The following TMCO4 variants were observed in gnomAD, a reference collection of about 807,000 sequenced individuals.
TMCO4 encodes the protein transmembrane and coiled-coil domains 4.
In TMCO4, 58 loss-of-function variants were observed where a neutral mutation model predicts 64.7. The observed-to-expected ratio is 0.90, with a 90% confidence interval of 0.73 to 1.12. The LOEUF (loss-of-function observed/expected upper bound fraction) is 1.12, where lower values mean the gene tolerates loss of function less well. Among genes scored for constraint, TMCO4 ranks in the 50% most tolerant of loss-of-function variants. TMCO4 has a pLI of 0.00. For missense variants in TMCO4, 780 were observed against 825.9 expected, an observed-to-expected ratio of 0.94 and a Z score of 0.68; for synonymous variants, 325 against 346.1, an observed-to-expected ratio of 0.94 and a Z score of 0.68.
intron 13 of TMCO4, among the ~76,000 whole-genome samples, chr1:19,708,922 G>A (rs1183123189): frequency 2.0e-5 from 3 of 152,188 alleles, no homozygotes; most frequent in African/African-American, 7.2e-5. Flanking sequence ...TAGAAACCAA[G>A]GAGGAATTTA....
At chr1:19,796,554 C>T (rs1474690431) in intron 2 of TMCO4, among the ~76,000 whole-genome samples, 1 of 151,936 alleles carries the variant, frequency 6.6e-6, no homozygotes, top group Non-Finnish European at 1.5e-5. Flanking sequence ...GCCTCTAACC[C>T]AACCCTTTGT....
chr1:19,733,639 A>G (rs752040347), intron 13 of TMCO4, among the ~76,000 whole-genome samples: 12 of 152,112 alleles, frequency 7.9e-5, no homozygotes, highest in Non-Finnish European at 1.8e-4. Flanking sequence ...CCTCATATAT[A>G]TATTTTGGGA....
At chr1:19,716,187 A>T (rs61486260) in intron 13 of TMCO4, among the ~76,000 whole-genome samples, 1 of 35,096 alleles carries the variant, frequency 2.8e-5, no homozygotes. Context: ...ATTATTATTA[A>T]TTTATTTATT....
In TMCO4 at chr1:19,722,732, G is replaced by T. The variant is rs981746686; in HGVS notation, c.1264+14640C>A. Among the ~76,000 whole-genome samples, 11 of 152,166 alleles carry T rather than the reference G, an allele frequency of 7.2e-5. No homozygotes were observed. The South Asian group carries it at 2.1e-3, about 29-fold the overall frequency. ...AAGAAAGAACCCCTGGGGCACTTTT[G>T]TACAAGGGTTTCCCTGGTTCCAAGG... On this transcript the variant is annotated intron_variant, in intron 13 of 15. Transcript: ENST00000294543.
chr1:19,771,611 A>G, intron 4 of TMCO4, 129 bp from the exon 5 acceptor site: 2 of 891,804 alleles, frequency 2.2e-6, no homozygotes, highest in East Asian at 2.7e-5. Context: ...TGATCCCTCA[A>G]ATACAGAGGC....
intron 15 of TMCO4, among the ~76,000 whole-genome samples, chr1:19,693,672 G>A (rs957937802): frequency 1.3e-5 from 2 of 152,138 alleles, no homozygotes; most frequent in African/African-American, 4.8e-5. Context: ...CCTAGAGACT[G>A]ATGTAGAAGT....
intron 15 of TMCO4, among the ~76,000 whole-genome samples, chr1:19,691,021 G>A (rs1010554511): frequency 5.9e-5 from 9 of 151,682 alleles, no homozygotes; most frequent in African/African-American, 1.9e-4. Context: ...GGTGCCCACC[G>A]CCACACCTGG....
In TMCO4 at chr1:19,732,810, C is replaced by A. The variant is rs1271204836; in HGVS notation, c.1264+4562G>T. On this transcript the variant is annotated intron_variant, in intron 13 of 15. Transcript: ENST00000294543. This position sits in a 1 kb window ranked among gnomAD's most constrained non-coding sequence, Gnocchi z 4.8. The stretch of plus-strand genomic sequence containing the variant: ...CTACAGGGGGAAAATGCCAGCTGCA[C>A]TTTTGTCCACCGGGTTCATCTTGGA... 6.6e-6 allele frequency among the ~76,000 whole-genome samples: 1 copy of A among 152,160 alleles called. No individual in the cohort carries two copies. Among genetic ancestry groups the A allele is most frequent in the African/African-American group, 2.4e-5 (1 of 41,436 alleles).
At chr1:19,763,656 A>G (rs751167895) in intron 6 of TMCO4, among the ~76,000 whole-genome samples, 34 of 152,316 alleles carry the variant, frequency 2.2e-4, no homozygotes, top group Non-Finnish European at 1.8e-4. Flanking sequence ...GGTCACATTC[A>G]TATAACTGCT....
intron 15 of TMCO4, among the ~76,000 whole-genome samples, chr1:19,688,075 G>A (rs1009812991): frequency 3.3e-5 from 5 of 152,164 alleles, no homozygotes; most frequent in African/African-American, 1.2e-4. Flanking sequence ...CATCTCCCAG[G>A]CTGTCTTGAT....
rs1053462371 is a variant in TMCO4, at chr1:19,717,327, C to T, written c.1265-16442G>A. Among the ~76,000 whole-genome samples, 29 of 152,340 alleles carry T rather than the reference C, an allele frequency of 1.9e-4. 1 individual carries two copies. Among genetic ancestry groups the T allele is most frequent in the Admixed American group, 1.8e-3 (28 of 15,300 alleles). ...GGAGGTCCCTTCCCCTCTGAGATCA[C>T]ACCTGGTGGAAATGGGGTCTGCCTG... On this transcript the variant is annotated intron_variant, in intron 13 of 15. Transcript: ENST00000294543.
At chr1:19,718,048 A>G (rs2095364431) in intron 13 of TMCO4, among the ~76,000 whole-genome samples, 1 of 152,112 alleles carries the variant, frequency 6.6e-6, no homozygotes, top group African/African-American at 2.4e-5. Flanking sequence ...AAAGTGGAAA[A>G]TGGGCCAGGC....
chr1:19,683,464 A>G lies in TMCO4; in HGVS notation c.1501-20T>C, dbSNP rs764714533. The G allele has an allele frequency of 1.1e-5, 18 of 1,610,848 alleles. No homozygotes were observed. The highest frequency in any genetic ancestry group is 1.0e-5 in the Non-Finnish European group (12 of 1,179,504). On this transcript the variant is annotated intron_variant, in intron 15 of 15. Transcript: ENST00000294543. ...GCTGACCTGCAGGAGACAGTGAGTG[A>G]GCACCACCGTGGGTGTGCAGAGCCC...
intron 9 of TMCO4, 79 bp downstream of exon 9, chr1:19,746,377 G>A (rs2041781536): frequency 3.2e-6 from 5 of 1,573,492 alleles, no homozygotes; most frequent in Non-Finnish European, 4.3e-6. Context: ...TGCTGGTGAG[G>A]ATCCAGGCAT....
chr1:19,755,811 T>C (rs779049894), intron 6 of TMCO4, 45 bp from the exon 7 acceptor site: 1 of 1,612,554 alleles, frequency 6.2e-7, no homozygotes, highest in Non-Finnish European at 8.5e-7. Context: ...GTTTAGGTTT[T>C]AAGAACAGTG....
rs118154052 is a variant in TMCO4 at position 19,770,845 on chromosome 1, G to A, written c.355-276C>T. ...CAAGCTTCTATCTGCTTTAACTGCAGGCATAGCTGGTGAGTGACATGCTCA... is the reference window on the plus strand; with the variant it reads ...CAAGCTTCTATCTGCTTTAACTGCAAGCATAGCTGGTGAGTGACATGCTCA... On this transcript the variant is annotated intron_variant, in intron 5 of 15. Coordinates refer to ENST00000294543, the MANE Select transcript of TMCO4 (RefSeq NM_181719.7). 2.5e-4 allele frequency among the ~76,000 whole-genome samples: 38 copies of A among 152,346 alleles called. No homozygotes were observed. In the East Asian group the frequency reaches 7.1e-3, roughly 29 times the overall value.
chr1:19,723,920 G>T (rs1274184958), intron 13 of TMCO4, among the ~76,000 whole-genome samples: 2 of 152,146 alleles, frequency 1.3e-5, no homozygotes, highest in African/African-American at 4.8e-5. Context: ...CCAAATTCCT[G>T]CCTTCTTTAA....
intron 15 of TMCO4, among the ~76,000 whole-genome samples, chr1:19,692,551 G>A (rs60148410): frequency 0.23 from 29,612 of 130,462 alleles, 3,585 homozygotes; most frequent in African/African-American, 0.37. Flanking sequence ...CCAATATGGC[G>A]AAACCATATC....
At chr1:19,696,884 G>A (rs1050673316) in intron 14 of TMCO4, among the ~76,000 whole-genome samples, 2 of 152,172 alleles carry the variant, frequency 1.3e-5, no homozygotes, top group Non-Finnish European at 2.9e-5. Flanking sequence ...AGCAAACCAT[G>A]GGCCTTCACT....
Sources: allele counts gnomAD v4.1 joint callset (sites outside exome capture counted in the v4.1 genomes callset), GRCh38; gene constraint gnomAD v4.1.1; non-coding constraint Gnocchi (gnomAD v3.1); transcripts MANE v1.5; gene names NCBI Gene and HGNC (gene_info 2026-07-23, HGNC 2026-07-21).